The following LIX1 variants were observed in gnomAD, a reference collection of about 807,000 sequenced individuals.
LIX1 encodes the protein protein limb expression 1 homolog.
Under a neutral mutation model 33.4 loss-of-function variants are expected in LIX1, and 24 were observed. The ratio of observed to expected loss-of-function variants is 0.72; its 90% CI spans 0.52 to 1.01. The LOEUF (loss-of-function observed/expected upper bound fraction) is 1.01, where lower values mean the gene tolerates loss of function less well. Ranked by LOEUF, LIX1 falls within the 50% of genes least tolerant of loss-of-function variation. The pLI is 0.00. For synonymous variants in LIX1, 124 were observed against 124.0 expected (o/e 1.00, Z 0.00); for missense variants, 311 against 339.2 (o/e 0.92, Z 0.65).
At chr5:97,107,617 T>C in intron 2 of LIX1, 117 bp from the exon 3 acceptor site, 1 of 1,137,464 alleles carries the variant, frequency 8.8e-7, no homozygotes, top group South Asian at 1.5e-5. Context: ...GCATCTATTC[T>C]GTTCATATAC....
chr5:97,106,467 T>G (rs1030900712), intron 3 of LIX1, among the ~76,000 whole-genome samples: 3 of 152,234 alleles, frequency 2.0e-5, no homozygotes, highest in Non-Finnish European at 4.4e-5. Context: ...TTCGCCAGAA[T>G]GACAGAGCCT....
At chr5:97,140,251 T>C (rs1246804828) in intron 1 of LIX1, among the ~76,000 whole-genome samples, 2 of 152,170 alleles carry the variant, frequency 1.3e-5, no homozygotes, top group Non-Finnish European at 1.5e-5. Context: ...TGTGTGTTTG[T>C]GTGTGTTTAT....
intron 2 of LIX1, among the ~76,000 whole-genome samples, chr5:97,108,586 A>G (rs1348742071): frequency 1.3e-5 from 2 of 152,128 alleles, no homozygotes; most frequent in African/African-American, 2.4e-5. Context: ...CCTTTTGGAG[A>G]GCCCAGGAGT....
intron 2 of LIX1, among the ~76,000 whole-genome samples, chr5:97,107,866 A>C (rs1420202435): frequency 6.6e-6 from 1 of 152,184 alleles, no homozygotes; most frequent in Admixed American, 6.5e-5. Flanking sequence ...TTCAGAAAAA[A>C]AATGTAAGGA....
intron 1 of LIX1, among the ~76,000 whole-genome samples, chr5:97,129,269 C>T (rs944366839): frequency 6.6e-6 from 1 of 152,158 alleles, no homozygotes; most frequent in Non-Finnish European, 1.5e-5. Context: ...AATCTCAAAG[C>T]CCTTGCTAAA....
In LIX1 at chr5:97,109,136, T is replaced by C. The variant is rs1747226710; in HGVS notation, c.247-1636A>G. Among the ~76,000 whole-genome samples the C allele has an allele frequency of 4.6e-5, 7 of 152,268 alleles. No homozygotes were observed. The South Asian group carries it at 1.5e-3, about 32-fold the overall frequency. ...CCCTGAAGCCAGTTTCCAAGTCCTC[T>C]GTGATTTTCCCTCAAACCTTCTAGA... On this transcript the variant is annotated intron_variant, in intron 2 of 5. Transcript: ENST00000274382.
intron 2 of LIX1, among the ~76,000 whole-genome samples, chr5:97,113,020 A>G (rs923303758): frequency 6.6e-6 from 1 of 152,232 alleles, no homozygotes; most frequent in Non-Finnish European, 1.5e-5. Context: ...AAAAGACACT[A>G]TGACTTCCGT....
intron 1 of LIX1, among the ~76,000 whole-genome samples, chr5:97,126,981 T>C (rs958881432): frequency 1.3e-5 from 2 of 152,180 alleles, no homozygotes; most frequent in Non-Finnish European, 2.9e-5. Flanking sequence ...AAAATAGAAT[T>C]AGAACTTTTA....
At chr5:97,120,851 G>A (rs752304032) in intron 2 of LIX1, among the ~76,000 whole-genome samples, 16 of 152,068 alleles carry the variant, frequency 1.1e-4, no homozygotes, top group Non-Finnish European at 1.9e-4. Flanking sequence ...TAAATGCTAC[G>A]CTTATATAAG....
chr5:97,112,949 G>A (rs1373653461), intron 2 of LIX1, among the ~76,000 whole-genome samples: 6 of 152,282 alleles, frequency 3.9e-5, no homozygotes, highest in African/African-American at 1.2e-4. Flanking sequence ...ACCAGAGTTC[G>A]TTTGTGTAAC....
intron 2 of LIX1, among the ~76,000 whole-genome samples, chr5:97,121,292 A>T (rs1261579955): frequency 6.6e-6 from 1 of 152,154 alleles, no homozygotes; most frequent in Non-Finnish European, 1.5e-5. Flanking sequence ...TTCTGCTTGG[A>T]ATATGTTGGG....
intron 2 of LIX1, among the ~76,000 whole-genome samples, chr5:97,121,907 G>A (rs927918132): frequency 8.5e-5 from 13 of 152,142 alleles, no homozygotes; most frequent in South Asian, 2.1e-4. Context: ...TGGGTGCTTC[G>A]TATTGAATGG....
At chr5:97,102,909 G>A (rs916231302) in intron 4 of LIX1, 2 of 354,846 alleles carry the variant, frequency 5.6e-6, no homozygotes, top group East Asian at 7.8e-5. Context: ...AGGGGGAACA[G>A]GAATTAAATG....
chr5:97,134,066 T>C (rs559500919), intron 1 of LIX1, among the ~76,000 whole-genome samples: 20 of 152,304 alleles, frequency 1.3e-4, no homozygotes, highest in African/African-American at 4.3e-4. Flanking sequence ...CAAAGACAAA[T>C]TGGAAAGGCT....
intron 4 of LIX1, among the ~76,000 whole-genome samples, chr5:97,104,175 T>G (rs945393634): frequency 2.0e-5 from 3 of 152,144 alleles, no homozygotes; most frequent in African/African-American, 4.8e-5. Context: ...AGTTGTGGCT[T>G]CAGAAGGGCT....
At chr5:97,107,076 T>G (rs1747087139) in intron 3 of LIX1, among the ~76,000 whole-genome samples, 1 of 152,220 alleles carries the variant, frequency 6.6e-6, no homozygotes, top group South Asian at 2.1e-4. Flanking sequence ...CACTCCTCAA[T>G]AAGTAAACAT....
chr5:97,126,917 C>A (rs1240302273), intron 1 of LIX1, among the ~76,000 whole-genome samples: 1 of 152,056 alleles, frequency 6.6e-6, no homozygotes, highest in East Asian at 1.9e-4. Flanking sequence ...GGATTACAGG[C>A]GTGAGCCACC....
chr5:97,132,903 C>T (rs1290075336), intron 1 of LIX1, among the ~76,000 whole-genome samples: 1 of 152,158 alleles, frequency 6.6e-6, no homozygotes, highest in Non-Finnish European at 1.5e-5. Context: ...CTTCTGCAGC[C>T]TGGAAGGAGA....
chr5:97,132,638 C>T (rs1178648873), intron 1 of LIX1, among the ~76,000 whole-genome samples: 1 of 152,136 alleles, frequency 6.6e-6, no homozygotes, highest in Non-Finnish European at 1.5e-5. Context: ...CCTGATGTCC[C>T]AGCTTTACCC....
Sources: gnomAD v4.1 joint callset for allele counts (sites outside exome capture counted in the v4.1 genomes callset) on GRCh38, gnomAD v4.1.1 for gene constraint, MANE v1.5 for transcripts, NCBI Gene and HGNC (gene_info 2026-07-23, HGNC 2026-07-21) for gene names.